Variants in TWSG1 observed in about 807,000 individuals in gnomAD.
TWSG1 encodes the protein twisted gastrulation BMP signaling modulator 1, also known as twisted gastrulation protein homolog 1.
A neutral mutation model predicts 23.0 loss-of-function variants in TWSG1; 15 were observed. The ratio of observed to expected loss-of-function variants is 0.65; its 90% CI spans 0.44 to 1.00. The LOEUF is 1.00. TWSG1 is among the 50% of genes least tolerant of loss of function. TWSG1 has a pLI of 0.00. For synonymous variants in TWSG1, 86 were observed against 92.8 expected (o/e 0.93, Z 0.42); for missense variants, 242 against 278.7 (o/e 0.87, Z 0.94).
chr18:9,358,445 G>A (rs2145606155), intron 2 of TWSG1, among the ~76,000 whole-genome samples: 1 of 152,238 alleles, frequency 6.6e-6, no homozygotes, highest in South Asian at 2.1e-4. Flanking sequence ...AGAGAAGAAA[G>A]GTCATATAGT....
At chr18:9,368,131 T>C (rs1381633609) in intron 3 of TWSG1, among the ~76,000 whole-genome samples, 1 of 152,208 alleles carries the variant, frequency 6.6e-6, no homozygotes, top group Non-Finnish European at 1.5e-5. Context: ...CCAACACTTG[T>C]TGCCTTTCAT....
chr18:9,379,145 C>T (rs1355639516), intron 3 of TWSG1, among the ~76,000 whole-genome samples: 1 of 152,110 alleles, frequency 6.6e-6, no homozygotes, highest in Non-Finnish European at 1.5e-5. Flanking sequence ...ATAGAACTAC[C>T]ATTTGACCCA....
chr18:9,358,505 G>C (rs1368263728), intron 2 of TWSG1, among the ~76,000 whole-genome samples: 2 of 152,278 alleles, frequency 1.3e-5, no homozygotes, highest in Non-Finnish European at 2.9e-5. Context: ...GCAGGTAGCA[G>C]CCAATCAGGG....
In TWSG1 at chr18:9,396,456, G is replaced by T. The variant is rs752508744; in HGVS notation, c.400G>T (p.Val134Phe). The T allele has an allele frequency of 9.3e-6, 15 of 1,613,988 alleles. No homozygotes were observed. Among genetic ancestry groups the T allele is most frequent in the Non-Finnish European group, 1.1e-5 (13 of 1,180,048 alleles). Residue 134 changes from valine (V) to phenylalanine (F), a missense_variant, in exon 4 of 5, where the codon GTT (valine) becomes TTT (phenylalanine). Physicochemically the swap from Val to Phe is conservative, Grantham distance 50 (BLOSUM62 -1). Coordinates refer to ENST00000262120, the MANE Select transcript of TWSG1 (RefSeq NM_020648.6). ...AGAACTTTCACATCATGAGAATCTG[G>T]TTTCATTTTTAGAAACTGTGAACCA... Reference protein sequence around the residue: ...AEELSHHENLVSFLETVNQPH... With the variant: ...AEELSHHENLFSFLETVNQPH...
chr18:9,391,126 T>C (rs186991400), intron 3 of TWSG1, among the ~76,000 whole-genome samples: 340 of 152,346 alleles, frequency 2.2e-3, no homozygotes, highest in Non-Finnish European at 2.3e-3. Flanking sequence ...GTTTATAGCA[T>C]TTTCAGTAGG....
chr18:9,359,513 A>G (rs942876223), intron 2 of TWSG1, among the ~76,000 whole-genome samples: 4 of 152,172 alleles, frequency 2.6e-5, no homozygotes, highest in African/African-American at 9.7e-5. Context: ...TAAATAATCT[A>G]CCATACCAAG....
At chr18:9,356,920 A>G (rs547278227) in intron 2 of TWSG1, among the ~76,000 whole-genome samples, 2 of 149,930 alleles carry the variant, frequency 1.3e-5, no homozygotes, top group African/African-American at 4.9e-5. Context: ...GTAAATTAAA[A>G]TTTTTTAAAA....
intron 3 of TWSG1, among the ~76,000 whole-genome samples, chr18:9,382,953 A>G (rs2145626102): frequency 6.6e-6 from 1 of 152,278 alleles, no homozygotes; most frequent in South Asian, 2.1e-4. Context: ...GTTGAGGTGA[A>G]CCACTTAATA....
At chr18:9,368,480 C>T (rs547736937) in intron 3 of TWSG1, among the ~76,000 whole-genome samples, 1 of 151,510 alleles carries the variant, frequency 6.6e-6, no homozygotes, top group African/African-American at 2.4e-5. Context: ...GGATTACAGG[C>T]ATGAGCCATC....
chr18:9,353,418 C>T (rs2040510714), intron 2 of TWSG1, among the ~76,000 whole-genome samples: 1 of 152,188 alleles, frequency 6.6e-6, no homozygotes, highest in Non-Finnish European at 1.5e-5. Flanking sequence ...AACTTTTCAT[C>T]CTGCCAGACT....
intron 2 of TWSG1, among the ~76,000 whole-genome samples, chr18:9,348,891 A>G (rs774260783): frequency 7.9e-5 from 12 of 152,214 alleles, no homozygotes; most frequent in Non-Finnish European, 1.6e-4. Flanking sequence ...TGCATCCTCT[A>G]CACTTATAAC....
intron 2 of TWSG1, among the ~76,000 whole-genome samples, chr18:9,353,570 G>C (rs1422101548): frequency 6.6e-6 from 1 of 152,034 alleles, no homozygotes; most frequent in Non-Finnish European, 1.5e-5. Context: ...TAAAATTATT[G>C]AACAACGTGT....
In TWSG1 at chr18:9,352,248, G is replaced by A. The variant is rs1036663101; in HGVS notation, c.124-7724G>A. Reference sequence around the variant, plus strand: ...TGCTTTGAGATTCATCCATATTATTGTGTGTGTTGGGTAGTTCTTTCCTTT... The same window carrying A: ...TGCTTTGAGATTCATCCATATTATTATGTGTGTTGGGTAGTTCTTTCCTTT... On this transcript the variant is annotated intron_variant, in intron 2 of 4. Coordinates refer to ENST00000262120, the MANE Select transcript of TWSG1 (RefSeq NM_020648.6). Among the ~76,000 whole-genome samples, 6 of 152,160 alleles carry A rather than the reference G, an allele frequency of 3.9e-5. No individual in the cohort carries two copies. In the South Asian group the frequency reaches 1.0e-3, roughly 26 times the overall value.
At chr18:9,386,981 A>G (rs2040687860) in intron 3 of TWSG1, among the ~76,000 whole-genome samples, 1 of 152,228 alleles carries the variant, frequency 6.6e-6, no homozygotes, top group Non-Finnish European at 1.5e-5. Context: ...TACCGTTTCT[A>G]AAAGAATTAG....
intron 3 of TWSG1, among the ~76,000 whole-genome samples, chr18:9,390,743 G>A (rs1316551607): frequency 6.6e-6 from 1 of 152,176 alleles, no homozygotes; most frequent in Non-Finnish European, 1.5e-5. Flanking sequence ...CAGGTGCAGT[G>A]GTTCATGTCT....
chr18:9,349,791 A>G (rs558381157), intron 2 of TWSG1, among the ~76,000 whole-genome samples: 1 of 152,170 alleles, frequency 6.6e-6, no homozygotes, highest in African/African-American at 2.4e-5. Flanking sequence ...TCTCTCGTGA[A>G]CATTATTTTC....
chr18:9,354,374 A>AT (rs1253029967), intron 2 of TWSG1, among the ~76,000 whole-genome samples: 9 of 152,192 alleles, frequency 5.9e-5, no homozygotes, highest in Admixed American at 2.6e-4. Context: ...GTCAGTCTTT[A>AT]TTTTGGACTT....
intron 3 of TWSG1, among the ~76,000 whole-genome samples, chr18:9,395,005 A>T (rs1350688463): frequency 6.6e-6 from 1 of 152,168 alleles, no homozygotes; most frequent in African/African-American, 2.4e-5. Flanking sequence ...TCCCAGTGGT[A>T]CCTCTTCTTT....
intron 3 of TWSG1, among the ~76,000 whole-genome samples, chr18:9,361,979 G>A (rs2040554769): frequency 6.6e-6 from 1 of 152,102 alleles, no homozygotes; most frequent in Admixed American, 6.6e-5. Flanking sequence ...TTAGCTCTTA[G>A]GTTCTCCACA....
Sources: allele counts gnomAD v4.1 joint callset (sites outside exome capture counted in the v4.1 genomes callset), GRCh38; gene constraint gnomAD v4.1.1; transcripts MANE v1.5; gene names NCBI Gene and HGNC (gene_info 2026-07-23, HGNC 2026-07-21).